The following CALN1 variants were observed in gnomAD, a reference collection of about 807,000 sequenced individuals.
The protein encoded by CALN1 is calneuron 1.
CALN1 carries 17 observed loss-of-function variants against 30.6 expected under a neutral mutation model. That is an observed-to-expected ratio of 0.56 (90% CI 0.38 to 0.83). The LOEUF (loss-of-function observed/expected upper bound fraction) is 0.83, where lower values mean the gene tolerates loss of function less well. Ranked by LOEUF, CALN1 falls within the 40% of genes least tolerant of loss-of-function variation. CALN1 has a pLI of 0.00. For synonymous variants in CALN1, 156 were observed against 131.4 expected (o/e 1.19, Z -1.28); for missense variants, 291 against 354.9 (o/e 0.82, Z 1.45).
chr7:71,956,595 G>A (rs1259203978), intron 5 of CALN1, among the ~76,000 whole-genome samples: 1 of 151,660 alleles, frequency 6.6e-6, no homozygotes, highest in Non-Finnish European at 1.5e-5. Context: ...CCAAAGTGCT[G>A]GGATTACAGG....
At chr7:71,911,916 T>C (rs1362272993) in intron 5 of CALN1, among the ~76,000 whole-genome samples, 2 of 152,050 alleles carry the variant, frequency 1.3e-5, no homozygotes, top group East Asian at 3.9e-4. Flanking sequence ...ATCCTTGTCT[T>C]TCATACACAT....
At chr7:72,261,294 C>T (rs495774) in intron 3 of CALN1, among the ~76,000 whole-genome samples, 1,624 of 152,012 alleles carry the variant, frequency 0.011, 28 homozygotes, top group African/African-American at 0.037. Flanking sequence ...GGTGACAGAG[C>T]GAGACTCTGT....
At chr7:72,266,959 C>T (rs1439367207) in intron 3 of CALN1, among the ~76,000 whole-genome samples, 3 of 152,176 alleles carry the variant, frequency 2.0e-5, no homozygotes, top group Non-Finnish European at 4.4e-5. Flanking sequence ...TGTTGTAAAG[C>T]TAATTCCCAG....
intron 3 of CALN1, among the ~76,000 whole-genome samples, chr7:72,198,499 C>G (rs1232514): frequency 0.5 from 75,792 of 151,892 alleles, 21,352 homozygotes; most frequent in East Asian, 0.96. Context: ...TGACATCGAA[C>G]TCTCCCAAAC....
At chr7:72,408,453 C>T (rs1349035953) in intron 1 of CALN1, among the ~76,000 whole-genome samples, 1 of 151,618 alleles carries the variant, frequency 6.6e-6, no homozygotes, top group Non-Finnish European at 1.5e-5. Flanking sequence ...AAAAATTAAA[C>T]ACACACACAG....
upstream of CALN1, among the ~76,000 whole-genome samples, chr7:72,416,578 T>C (rs903575790): frequency 6.6e-6 from 1 of 151,636 alleles, no homozygotes; most frequent in Non-Finnish European, 1.5e-5. Context: ...CTACTAAAAA[T>C]TCAAAACTTA....
At chr7:72,337,436 ACACACG>A (rs1802143152) in intron 2 of CALN1, 2 of 214,570 alleles carry the variant, frequency 9.3e-6, no homozygotes, top group African/African-American at 4.7e-5. Context: ...ACACACACAC[ACACACG>A]CATGCACATG....
At chr7:71,938,651 T>C (rs1255734474) in intron 5 of CALN1, among the ~76,000 whole-genome samples, 1 of 151,842 alleles carries the variant, frequency 6.6e-6, no homozygotes, top group African/African-American at 2.4e-5. Flanking sequence ...AAAAATTAGC[T>C]GGGCGTGGTG....
chr7:72,350,278 G>A (rs1350115989), intron 2 of CALN1, among the ~76,000 whole-genome samples: 3 of 152,118 alleles, frequency 2.0e-5, no homozygotes, highest in Admixed American at 2.0e-4. Flanking sequence ...GCAATCCACT[G>A]GGTATATACC....
intron 3 of CALN1, among the ~76,000 whole-genome samples, chr7:72,121,195 TTA>T (rs973527553): frequency 2.1e-5 from 3 of 144,582 alleles, no homozygotes; most frequent in Non-Finnish European, 4.5e-5. Context: ...ATGTATTATA[TTA>T]TATATAATTC....
chr7:71,963,030 C>T (rs187746149), intron 5 of CALN1, among the ~76,000 whole-genome samples: 264 of 152,190 alleles, frequency 1.7e-3, no homozygotes, highest in Non-Finnish European at 3.0e-3. Flanking sequence ...CATAGGTATC[C>T]AAGATTTGTA....
At chr7:72,203,963 T>C (rs564672616) in intron 3 of CALN1, among the ~76,000 whole-genome samples, 1 of 146,144 alleles carries the variant, frequency 6.8e-6, no homozygotes, top group South Asian at 2.2e-4. Context: ...ATAGCCTTCA[T>C]ATAAGAGGCC....
the CALN1 span, among the ~76,000 whole-genome samples, chr7:72,485,951 T>G: frequency 6.6e-6 from 1 of 152,222 alleles, no homozygotes; most frequent in Non-Finnish European, 1.5e-5. Flanking sequence ...CATATGTTCT[T>G]TTTTATTTTT....
At chr7:72,310,311 T>C (rs905687614) in intron 2 of CALN1, among the ~76,000 whole-genome samples, 4 of 150,860 alleles carry the variant, frequency 2.7e-5, no homozygotes, top group Non-Finnish European at 5.9e-5. Context: ...TGAGGGTTAA[T>C]TGATATGATC....
At chr7:72,314,981 C>CAAAAA (rs530371351) in intron 2 of CALN1, among the ~76,000 whole-genome samples, 23 of 105,418 alleles carry the variant, frequency 2.2e-4, no homozygotes, top group South Asian at 3.1e-4. Context: ...CCCATCTCTA[C>CAAAAA]AAAAAAAAAA....
chr7:72,024,745 G>T (rs1393098504), intron 4 of CALN1, among the ~76,000 whole-genome samples: 1 of 151,524 alleles, frequency 6.6e-6, no homozygotes, highest in African/African-American at 2.4e-5. Context: ...TCAGCATAGT[G>T]TTCAAGCCTC....
intron 3 of CALN1, among the ~76,000 whole-genome samples, chr7:72,257,302 G>T (rs752134019): frequency 6.6e-6 from 1 of 152,122 alleles, no homozygotes; most frequent in Non-Finnish European, 1.5e-5. Flanking sequence ...GATGAGGTTT[G>T]GGTGGGGATA....
At chr7:72,313,189 G>C (rs1335070703) in intron 2 of CALN1, among the ~76,000 whole-genome samples, 5 of 152,072 alleles carry the variant, frequency 3.3e-5, no homozygotes, top group Non-Finnish European at 7.4e-5. Flanking sequence ...GAATGGATGG[G>C]AGAATGGAGA....
intron 2 of CALN1, among the ~76,000 whole-genome samples, chr7:72,366,120 T>C (rs1023825680): frequency 1.3e-5 from 2 of 151,746 alleles, no homozygotes; most frequent in Admixed American, 1.3e-4. Context: ...GTATGGTACA[T>C]TCCTATAATG....
Sources: allele counts gnomAD v4.1 joint callset (sites outside exome capture counted in the v4.1 genomes callset), GRCh38; gene constraint gnomAD v4.1.1; transcripts MANE v1.5; gene names NCBI Gene and HGNC (gene_info 2026-07-23, HGNC 2026-07-21).